The following MSRB3 variants were observed in gnomAD, a reference collection of about 807,000 sequenced individuals.
The protein encoded by MSRB3 is methionine sulfoxide reductase B3.
MSRB3 carries 13 observed loss-of-function variants against 21.0 expected under a neutral mutation model. That is an observed-to-expected ratio of 0.62 (90% CI 0.40 to 0.98). The LOEUF (loss-of-function observed/expected upper bound fraction) is 0.98. Among genes scored for constraint, MSRB3 ranks in the 50% least tolerant of loss-of-function variants. The pLI is 0.00. For missense variants in MSRB3, 199 were observed against 230.3 expected (o/e 0.86, Z 0.88); for synonymous variants, 87 against 88.6 (o/e 0.98, Z 0.10).
intron 2 of MSRB3, 48 bp from the exon 3 acceptor site, chr12:65,326,778 G>T: frequency 6.9e-7 from 1 of 1,455,728 alleles, no homozygotes; most frequent in Non-Finnish European, 9.6e-7. Flanking sequence ...CAATTATTTA[G>T]GATTCAAGCT....
At chr12:65,412,614 A>G (rs1306279367) in intron 5 of MSRB3, among the ~76,000 whole-genome samples, 5 of 152,130 alleles carry the variant, frequency 3.3e-5, no homozygotes, top group Admixed American at 1.3e-4. Flanking sequence ...TTTGCCATTG[A>G]AAGAATGGCA....
intron 5 of MSRB3, among the ~76,000 whole-genome samples, chr12:65,407,088 T>C (rs1880454457): frequency 1.3e-5 from 2 of 152,264 alleles, no homozygotes; most frequent in African/African-American, 2.4e-5. Flanking sequence ...CAAAACATCA[T>C]AGTACTAGCA....
intron 5 of MSRB3, among the ~76,000 whole-genome samples, chr12:65,426,282 G>A (rs936676341): frequency 4.6e-5 from 7 of 152,138 alleles, no homozygotes; most frequent in African/African-American, 1.7e-4. Flanking sequence ...ATCTAGGAAA[G>A]TGTTTATCTC....
intron 2 of MSRB3, among the ~76,000 whole-genome samples, chr12:65,317,122 T>A (rs919961419): frequency 6.6e-6 from 1 of 152,144 alleles, no homozygotes; most frequent in African/African-American, 2.4e-5. Context: ...GAGTAGTAAC[T>A]TTTTTGGGCC....
intron 4 of MSRB3, among the ~76,000 whole-genome samples, chr12:65,353,239 G>A (rs1180648927): frequency 6.6e-6 from 1 of 152,102 alleles, no homozygotes; most frequent in Admixed American, 6.6e-5. Flanking sequence ...TGTCCATTAG[G>A]TCCACCTGTT....
At chr12:65,286,006 A>T (rs1216057902) in intron 1 of MSRB3, 1 of 152,116 alleles carries the variant, frequency 6.6e-6, no homozygotes, top group East Asian at 1.9e-4. Context: ...AATAATGGAG[A>T]CCCTTTCATG....
At chr12:65,378,284 T>C (rs1445868588) in intron 5 of MSRB3, among the ~76,000 whole-genome samples, 3 of 152,206 alleles carry the variant, frequency 2.0e-5, no homozygotes, top group Non-Finnish European at 4.4e-5. Flanking sequence ...AATAGAATAC[T>C]ATGTTCTATA....
intron 2 of MSRB3, 136 bp downstream of exon 2, chr12:65,308,791 G>A: frequency 3.5e-6 from 4 of 1,152,140 alleles, no homozygotes; most frequent in Non-Finnish European, 5.1e-6. Context: ...ACGGAAATTG[G>A]TTATAAATCA....
chr12:65,455,293 G>A (rs1248888470), intron 6 of MSRB3, among the ~76,000 whole-genome samples: 2 of 151,266 alleles, frequency 1.3e-5, no homozygotes, highest in African/African-American at 2.4e-5. Context: ...TCAAGTGTGA[G>A]GACTACTCTC....
chr12:65,308,618 C>T lies in MSRB3; in HGVS notation c.39C>T (p.Ser13=). The T allele has an allele frequency of 6.2e-7, 1 of 1,613,960 alleles. No homozygotes were observed. Among genetic ancestry groups the T allele is most frequent in the East Asian group, 2.2e-5 (1 of 44,872 alleles). The change falls in exon 2 of 7, where the codon AGC becomes AGT. Residue 13 remains serine, a synonymous_variant. Coordinates refer to ENST00000308259, the MANE Select transcript of MSRB3 (RefSeq NM_001031679.3). ...ACCTGCTGCATTTGGTGACAAAGAGCCAGCCAGTAGCCCTTCGAGCCTGTG... is the reference window on the plus strand; with the variant it reads ...ACCTGCTGCATTTGGTGACAAAGAGTCAGCCAGTAGCCCTTCGAGCCTGTG... ...AFNLLHLVTK[S]QPVALRACGL... is the part of the protein sequence containing the mutation.
At chr12:65,283,309 T>A (rs1872149837) in intron 1 of MSRB3, among the ~76,000 whole-genome samples, 1 of 152,360 alleles carries the variant, frequency 6.6e-6, no homozygotes, top group Admixed American at 6.5e-5. Context: ...TTCCTTGTGC[T>A]TCTAAGGTGT....
chr12:65,333,214 T>C (rs1875543291), intron 4 of MSRB3, among the ~76,000 whole-genome samples: 1 of 152,246 alleles, frequency 6.6e-6, no homozygotes. Context: ...ATTTTTTTCC[T>C]CAACGTACTT....
intron 1 of MSRB3, among the ~76,000 whole-genome samples, chr12:65,291,148 C>T (rs1033601185): frequency 5.3e-5 from 8 of 151,764 alleles, no homozygotes; most frequent in Non-Finnish European, 1.2e-4. Flanking sequence ...TGCAGTGGCA[C>T]GATCTCGGCT....
intron 4 of MSRB3, among the ~76,000 whole-genome samples, chr12:65,333,106 T>G (rs898223712): frequency 2.0e-5 from 3 of 152,248 alleles, no homozygotes; most frequent in Non-Finnish European, 1.5e-5. Flanking sequence ...AAGAAAACAC[T>G]GGGAAAATAA....
At chr12:65,338,975 G>A (rs1324178265) in intron 4 of MSRB3, among the ~76,000 whole-genome samples, 2 of 152,194 alleles carry the variant, frequency 1.3e-5, no homozygotes, top group African/African-American at 2.4e-5. Flanking sequence ...TACTTGGGAG[G>A]CTGAAGCAGG....
At chr12:65,394,376 A>C (rs1879662752) in intron 5 of MSRB3, among the ~76,000 whole-genome samples, 1 of 152,204 alleles carries the variant, frequency 6.6e-6, no homozygotes, top group African/African-American at 2.4e-5. Flanking sequence ...GAAAGACAGA[A>C]ACTACTGAAA....
In MSRB3 at chr12:65,308,816, G is replaced by A. The variant is rs1300951270; in HGVS notation, c.76+161G>A. The A allele has an allele frequency of 5.7e-6, 5 of 883,504 alleles. No homozygotes were observed. In the East Asian group the frequency reaches 1.3e-4, roughly 23 times the overall value. The allele number at this position is 883,504 out of a possible 1,614,324, so 54.7% of individuals were successfully genotyped here. ...GTTATAAATCACCACTCTACTTTGA[G>A]TAACATTCATTTCCACAATCCTTAC... On this transcript the variant is annotated intron_variant, in intron 2 of 6. Coordinates refer to ENST00000308259, the MANE Select transcript of MSRB3 (RefSeq NM_001031679.3).
At chr12:65,326,992 C>T in intron 3 of MSRB3, 58 bp downstream of exon 3, 1 of 1,256,406 alleles carries the variant, frequency 8.0e-7, no homozygotes, top group East Asian at 2.4e-5. Context: ...CCCCTGCCCT[C>T]TGCAGTGCTT....
At chr12:65,301,210 T>G (rs539354600) in intron 1 of MSRB3, among the ~76,000 whole-genome samples, 1 of 152,300 alleles carries the variant, frequency 6.6e-6, no homozygotes, top group African/African-American at 2.4e-5. Context: ...ATATGGAGAC[T>G]AAAGGCTTTA....
Sources: gnomAD v4.1 joint callset for allele counts (sites outside exome capture counted in the v4.1 genomes callset) on GRCh38, gnomAD v4.1.1 for gene constraint, MANE v1.5 for transcripts, NCBI Gene and HGNC (gene_info 2026-07-23, HGNC 2026-07-21) for gene names.